CLTC: variants seen among roughly 807,000 people sequenced by gnomAD.
CLTC encodes clathrin heavy chain 1.
In CLTC, 16 loss-of-function variants were observed where a neutral mutation model predicts 195.8. That is an observed-to-expected ratio of 0.08 (90% CI 0.06 to 0.12). The LOEUF (loss-of-function observed/expected upper bound fraction) is 0.12. Ranked by LOEUF, CLTC falls within the 10% of genes least tolerant of loss-of-function variation. CLTC has a pLI of 1.00. For missense variants in CLTC, 796 were observed against 2,027.0 expected (o/e 0.39, Z 11.66); for synonymous variants, 667 against 689.4 (o/e 0.97, Z 0.51).
At position 59,620,137 on chromosome 17, in the gene CLTC, C is replaced by T. The variant is rs2031318333; in HGVS notation, c.6C>T (p.Ala2=). 1 of 1,614,100 alleles carries T rather than the reference C, an allele frequency of 6.2e-7. No homozygotes were observed. The highest frequency in any genetic ancestry group is 8.5e-7 in the Non-Finnish European group (1 of 1,180,016). M[A]QILPIRFQEH... ...CCATAACCCCCGACAGCGCCATGGC[C>T]CAGATTCTGCCAATTCGTTTTCAGG... The change falls in exon 1 of 32, where the codon GCC becomes GCT. Residue 2 remains alanine, a synonymous_variant. Transcript: ENST00000269122.
At chr17:59,630,773 T>G (rs1015826424) in intron 1 of CLTC, among the ~76,000 whole-genome samples, 2 of 152,262 alleles carry the variant, frequency 1.3e-5, no homozygotes, top group African/African-American at 4.8e-5. Flanking sequence ...TGAATGGATA[T>G]ATCAGTGTTT....
rs1199843663 is a variant in CLTC, at chr17:59,647,597, G to A, written c.450G>A (p.Gly150=). The change falls in exon 3 of 32, where the codon GGG becomes GGA. Residue 150 remains glycine (G), a synonymous_variant. Transcript: ENST00000269122. ...KMFDRHSSLA[G]CQIINYRTDA... Reference sequence around the variant, plus strand: ...TTGATCGCCATTCTAGCCTTGCAGGGTGCCAGATTATCAATTACCGTACAG... The same window carrying A: ...TTGATCGCCATTCTAGCCTTGCAGGATGCCAGATTATCAATTACCGTACAG... 3 of 1,614,120 alleles carry A rather than the reference G, an allele frequency of 1.9e-6. No individual in the cohort carries two copies. The highest frequency in any genetic ancestry group is 2.2e-5 in the South Asian group (2 of 91,080).
At chr17:59,680,395 CTGAGA>C (rs1193515733) in intron 18 of CLTC, among the ~76,000 whole-genome samples, 36 of 152,098 alleles carry the variant, frequency 2.4e-4, no homozygotes, top group African/African-American at 8.2e-4. Flanking sequence ...TTAAATTCTC[CTGAGA>C]TAAGTATAAA....
At chr17:59,687,020 A>T in intron 30 of CLTC, 1 of 988,480 alleles carries the variant, frequency 1.0e-6, no homozygotes, top group Non-Finnish European at 1.2e-6. Context: ...ATAAAGGAAA[A>T]GGTGAAAGTT....
intron 1 of CLTC, among the ~76,000 whole-genome samples, chr17:59,636,448 T>G (rs940425414): frequency 1.2e-4 from 19 of 152,172 alleles, no homozygotes; most frequent in Admixed American, 5.9e-4. Flanking sequence ...CTGATGTGTT[T>G]TTTATTTTTA....
intron 30 of CLTC, chr17:59,689,999 T>C (rs1335255472): frequency 6.6e-6 from 1 of 152,296 alleles, no homozygotes; most frequent in Non-Finnish European, 1.5e-5. Context: ...CATTTACTTT[T>C]GGCTCAATTA....
intron 8 of CLTC, 55 bp from the exon 9 acceptor site, chr17:59,663,787 C>T (rs1424318343): frequency 1.3e-6 from 2 of 1,505,778 alleles, no homozygotes; most frequent in South Asian, 1.2e-5. Context: ...GTGTCAACTG[C>T]TCATTTCTAA....
intron 2 of CLTC, 90 bp downstream of exon 2, chr17:59,644,573 G>A (rs910377812): frequency 3.2e-5 from 34 of 1,064,476 alleles, no homozygotes; most frequent in Non-Finnish European, 4.2e-5. Context: ...TTTTTGAGAC[G>A]GAGTTTTACT....
rs141032264 is a variant in CLTC at position 59,652,588 on chromosome 17, C to T, written c.795+1272C>T. 3.9e-4 allele frequency among the ~76,000 whole-genome samples: 60 copies of T among 152,192 alleles called. 1 individual carries two copies. In the East Asian group the frequency reaches 4.1e-3, roughly 10 times the overall value. Reference sequence around the variant, plus strand: ...GCTCTTGGGTGACTATGTGCATTGTCGATGAGCAGTAACATTTTGAAAGGA... The same window carrying T: ...GCTCTTGGGTGACTATGTGCATTGTTGATGAGCAGTAACATTTTGAAAGGA... On this transcript the variant is annotated intron_variant, in intron 5 of 31. Coordinates refer to ENST00000269122, the MANE Select transcript of CLTC (RefSeq NM_004859.4).
At chr17:59,646,057 C>T in intron 2 of CLTC, 2 of 733,824 alleles carry the variant, frequency 2.7e-6, no homozygotes, top group African/African-American at 3.8e-5. Flanking sequence ...AGTTATTGTC[C>T]TGTTCTATAA....
In CLTC at chr17:59,666,227, T is replaced by C. The variant is rs1197069990; in HGVS notation, c.1769T>C (p.Met590Thr). The change falls in exon 11 of 32, where the codon ATG becomes ACG. Residue 590 changes from methionine to threonine, a missense_variant. Transcript: ENST00000269122. This position sits in a 1 kb window ranked among gnomAD's most constrained non-coding sequence, Gnocchi z 4.9. ...ACGCGGTTACTTGAGATGAACCTTA[T>C]GCATGCGCCTCAAGTATGTGTTTTA... is the stretch of plus-strand genomic sequence containing the variant. ...LQTRLLEMNL[M>T]HAPQVADAIL... The C allele has an allele frequency of 6.2e-7, 1 of 1,614,052 alleles. No homozygotes were observed. The highest frequency in any genetic ancestry group is 1.1e-5 in the South Asian group (1 of 91,068).
intron 31 of CLTC, among the ~76,000 whole-genome samples, chr17:59,692,683 C>G (rs1009563866): frequency 1.3e-5 from 2 of 152,182 alleles, no homozygotes; most frequent in African/African-American, 4.8e-5. Flanking sequence ...GTCACCCAGG[C>G]TGGAGTGCAG....
chr17:59,661,399 T>G, intron 7 of CLTC, 44 bp from the exon 8 acceptor site: 1 of 1,498,032 alleles, frequency 6.7e-7, no homozygotes, highest in Non-Finnish European at 9.3e-7. Flanking sequence ...ACATTTCTCC[T>G]TCTTACACTT....
In CLTC at chr17:59,681,500, G is replaced by A. The variant is rs1012825588; in HGVS notation, c.3249+22G>A. 4 of 1,612,266 alleles carry A rather than the reference G, an allele frequency of 2.5e-6. No individual in the cohort carries two copies. In the South Asian group the frequency reaches 3.3e-5, roughly 13 times the overall value. On this transcript the variant is annotated intron_variant, in intron 20 of 31. Transcript: ENST00000269122. The surrounding 1 kb of genome is among the most constrained non-coding windows in gnomAD (Gnocchi z 5.0). ...TCAGGTAAATCTTCAGATTACCTAAGTTGAATTACTAAACACTGTGCTATG... is the reference window on the plus strand; with the variant it reads ...TCAGGTAAATCTTCAGATTACCTAAATTGAATTACTAAACACTGTGCTATG...
chr17:59,681,524 T>G lies in CLTC; in HGVS notation c.3249+46T>G. ...AGTTGAATTACTAAACACTGTGCTA[T>G]GAGGGTGGGCCTAATTGGTTGCTAC... On this transcript the variant is annotated intron_variant, in intron 20 of 31. Coordinates refer to ENST00000269122, the MANE Select transcript of CLTC (RefSeq NM_004859.4). The surrounding 1 kb of genome is among the most constrained non-coding windows in gnomAD (Gnocchi z 5.0). 6.2e-7 allele frequency: 1 copy of G among 1,600,652 alleles called. No individual in the cohort carries two copies. Among genetic ancestry groups the G allele is most frequent in the Non-Finnish European group, 8.5e-7 (1 of 1,169,666 alleles).
chr17:59,625,360 C>T (rs972427658), intron 1 of CLTC, among the ~76,000 whole-genome samples: 1 of 151,142 alleles, frequency 6.6e-6, no homozygotes, highest in Non-Finnish European at 1.5e-5. Context: ...CTCTTGACCT[C>T]GTGAAATGCC....
intron 1 of CLTC, among the ~76,000 whole-genome samples, chr17:59,628,699 C>T (rs1196049876): frequency 1.3e-5 from 2 of 152,132 alleles, no homozygotes; most frequent in Non-Finnish European, 2.9e-5. Context: ...GACTCTGTTG[C>T]CCAGGCTGGA....
chr17:59,660,990 T>C (rs571198284), intron 7 of CLTC, among the ~76,000 whole-genome samples: 9 of 152,350 alleles, frequency 5.9e-5, no homozygotes, highest in Admixed American at 2.0e-4. Flanking sequence ...TTTATTCTTA[T>C]CACTTTTGAT....
At chr17:59,629,210 A>G (rs1156568761) in intron 1 of CLTC, among the ~76,000 whole-genome samples, 1 of 152,234 alleles carries the variant, frequency 6.6e-6, no homozygotes, top group Non-Finnish European at 1.5e-5. Flanking sequence ...ATATTGAACT[A>G]TGAAAATCTA....
Sources: allele counts gnomAD v4.1 joint callset (sites outside exome capture counted in the v4.1 genomes callset), GRCh38; gene constraint gnomAD v4.1.1; non-coding constraint Gnocchi (gnomAD v3.1); transcripts MANE v1.5; gene names NCBI Gene and HGNC (gene_info 2026-07-23, HGNC 2026-07-21).